The following CSMD1 variants were observed in gnomAD, a reference collection of about 807,000 sequenced individuals.
CSMD1 encodes CUB and Sushi multiple domains 1, also known as CUB and sushi domain-containing protein 1.
In CSMD1, 213 loss-of-function variants were observed where a neutral mutation model predicts 417.5. That is an observed-to-expected ratio of 0.51 (90% CI 0.46 to 0.57). CSMD1 has a LOEUF of 0.57. CSMD1 is among the 20% of genes least tolerant of loss of function. The probability of loss-of-function intolerance (pLI) is 0.00; values close to 1 mark genes in which losing one functional copy is unlikely to be tolerated. For missense variants in CSMD1, 6,923 were observed against 4,529.7 expected (o/e 1.53, Z -15.17); for synonymous variants, 2,862 against 1,736.8 (o/e 1.65, Z -16.11).
At position 3,711,131 on chromosome 8, in the gene CSMD1, G is replaced by A. The variant is rs140291787; in HGVS notation, c.932-2640C>T. ...TTCCCCAAAAGACAGCACTTCTCCT[G>A]GGTATTTTAAAAGGGTAAGAGGGAG... is the stretch of plus-strand genomic sequence containing the variant. On this transcript the variant is annotated intron_variant, in intron 6 of 69. Coordinates refer to ENST00000635120, the MANE Select transcript of CSMD1 (RefSeq NM_033225.6). Among the ~76,000 whole-genome samples, 294 of 152,272 alleles carry A rather than the reference G, an allele frequency of 1.9e-3. 1 individual carries two copies. Among genetic ancestry groups the A allele is most frequent in the African/African-American group, 5.3e-3 (221 of 41,542 alleles).
At chr8:3,384,711 T>C (rs1810867976) in intron 18 of CSMD1, among the ~76,000 whole-genome samples, 1 of 76,950 alleles carries the variant, frequency 1.3e-5, no homozygotes, top group South Asian at 2.9e-4. Flanking sequence ...TATATATAAA[T>C]ATATTTATAA....
intron 5 of CSMD1, among the ~76,000 whole-genome samples, chr8:3,811,262 C>T (rs1801058495): frequency 6.6e-6 from 1 of 152,300 alleles, no homozygotes; most frequent in Admixed American, 6.5e-5. Flanking sequence ...ACTTAGAGAG[C>T]AATTACCAGA....
At chr8:4,671,603 T>C (rs1805330876) in intron 1 of CSMD1, among the ~76,000 whole-genome samples, 1 of 152,218 alleles carries the variant, frequency 6.6e-6, no homozygotes, top group African/African-American at 2.4e-5. Context: ...AACGTTATCT[T>C]CAACAGTTCC....
At chr8:3,918,021 C>A (rs763397950) in intron 5 of CSMD1, among the ~76,000 whole-genome samples, 3 of 152,014 alleles carry the variant, frequency 2.0e-5, no homozygotes, top group Non-Finnish European at 4.4e-5. Context: ...TTGCAAATGG[C>A]ACAATTTCCT....
intron 7 of CSMD1, among the ~76,000 whole-genome samples, chr8:3,693,801 T>C (rs1800387486): frequency 1.3e-5 from 2 of 151,720 alleles, no homozygotes; most frequent in Non-Finnish European, 2.9e-5. Context: ...TGGCGTCGTG[T>C]GTGTGTGTGT....
chr8:4,533,899 A>G (rs1042906737), intron 2 of CSMD1, among the ~76,000 whole-genome samples: 32 of 149,332 alleles, frequency 2.1e-4, no homozygotes, highest in African/African-American at 6.1e-4. Flanking sequence ...GTAATTCAAT[A>G]GCTAGAATAT....
At chr8:3,368,960 T>C (rs1003463237) in intron 19 of CSMD1, among the ~76,000 whole-genome samples, 1 of 152,230 alleles carries the variant, frequency 6.6e-6, no homozygotes, top group African/African-American at 2.4e-5. Context: ...GGTCAGATTT[T>C]ATTGAATAGA....
intron 5 of CSMD1, among the ~76,000 whole-genome samples, chr8:3,911,763 A>G (rs972373113): frequency 1.5e-4 from 23 of 152,122 alleles, no homozygotes; most frequent in African/African-American, 5.3e-4. Flanking sequence ...GAAATCTCTC[A>G]TCTCACCAGC....
intron 11 of CSMD1, among the ~76,000 whole-genome samples, chr8:3,477,514 A>C (rs13250793): frequency 0.63 from 96,291 of 151,852 alleles, 31,365 homozygotes; most frequent in Middle Eastern, 0.76. Flanking sequence ...AGTAAAGACA[A>C]GGTACTATCT....
intron 5 of CSMD1, among the ~76,000 whole-genome samples, chr8:3,911,815 T>G (rs1419307231): frequency 6.6e-6 from 1 of 152,192 alleles, no homozygotes; most frequent in Non-Finnish European, 1.5e-5. Context: ...TCTGTCTAAT[T>G]AAACTCATTT....
At position 3,491,157 on chromosome 8, in the gene CSMD1, G is replaced by C. The variant is rs535296966; in HGVS notation, c.1448+2466C>G. Among the ~76,000 whole-genome samples the C allele has an allele frequency of 1.4e-4, 21 of 152,272 alleles. No homozygotes were observed. In the South Asian group the frequency reaches 2.1e-3, roughly 15 times the overall value. On this transcript the variant is annotated intron_variant, in intron 11 of 69. Coordinates refer to ENST00000635120, the MANE Select transcript of CSMD1 (RefSeq NM_033225.6). ...GAATGCGGTGAGAGCGTGAGTGTCA[G>C]ATGCAAAAGACTGTCAAAGGGAACC...
chr8:3,219,795 G>A (rs1554471641), intron 28 of CSMD1, among the ~76,000 whole-genome samples: 1 of 152,030 alleles, frequency 6.6e-6, no homozygotes, highest in Non-Finnish European at 1.5e-5. Flanking sequence ...GCTCAAAAGA[G>A]ACACATTTCC....
chr8:4,223,541 C>A (rs987223869), intron 3 of CSMD1, among the ~76,000 whole-genome samples: 47 of 152,326 alleles, frequency 3.1e-4, no homozygotes, highest in African/African-American at 1.0e-3. Context: ...TAATAACCAC[C>A]AGGAGAGCTG....
At chr8:4,599,950 C>G (rs1029524571) in intron 2 of CSMD1, among the ~76,000 whole-genome samples, 1 of 152,150 alleles carries the variant, frequency 6.6e-6, no homozygotes, top group African/African-American at 2.4e-5. Flanking sequence ...ATCTGACACG[C>G]ATATGCTCTG....
chr8:4,301,093 C>G (rs143827446), intron 3 of CSMD1, among the ~76,000 whole-genome samples: 1 of 152,082 alleles, frequency 6.6e-6, no homozygotes, highest in South Asian at 2.1e-4. Flanking sequence ...CTAATGAGTT[C>G]CCATTGAAAC....
intron 2 of CSMD1, among the ~76,000 whole-genome samples, chr8:4,548,261 T>G (rs1483348492): frequency 1.3e-5 from 2 of 152,200 alleles, no homozygotes; most frequent in African/African-American, 4.8e-5. Context: ...GTTATCTTTA[T>G]GAAAACTATC....
At chr8:3,402,857 A>G (rs571374829) in intron 15 of CSMD1, among the ~76,000 whole-genome samples, 7 of 152,144 alleles carry the variant, frequency 4.6e-5, no homozygotes, top group East Asian at 1.9e-4. Context: ...TAATCTTATT[A>G]TTAAATTTCT....
chr8:2,992,091 C>T (rs1806436393), intron 54 of CSMD1, among the ~76,000 whole-genome samples: 1 of 152,152 alleles, frequency 6.6e-6, no homozygotes, highest in Admixed American at 6.5e-5. Context: ...ATTACATTCA[C>T]ATGATTTAAA....
At position 4,519,742 on chromosome 8, in the gene CSMD1, C is replaced by CAAAAAAAAAAAAAAAAAAA. The variant is rs57747377; in HGVS notation, c.303-99696_303-99678dup. On this transcript the variant is annotated intron_variant, in intron 2 of 69. Coordinates refer to ENST00000635120, the MANE Select transcript of CSMD1 (RefSeq NM_033225.6). The stretch of plus-strand genomic sequence containing the variant: ...TAGGCAGCAGAGTCAGACTTCATCT[C>CAAAAAAAAAAAAAAAAAAA]AAAAAAAAAAAAAAAAAAAAAAAAA... Among the ~76,000 whole-genome samples, 25 of 80,392 alleles carry CAAAAAAAAAAAAAAAAAAA rather than the reference C, an allele frequency of 3.1e-4. 9 individuals are homozygous for CAAAAAAAAAAAAAAAAAAA. Among genetic ancestry groups the CAAAAAAAAAAAAAAAAAAA allele is most frequent in the African/African-American group, 7.9e-4 (15 of 19,104 alleles). 52.7% of individuals were successfully genotyped at this position (80,392 alleles called of 152,430 possible).
Sources: gnomAD v4.1 joint callset for allele counts (sites outside exome capture counted in the v4.1 genomes callset) on GRCh38, gnomAD v4.1.1 for gene constraint, MANE v1.5 for transcripts, NCBI Gene and HGNC (gene_info 2026-07-23, HGNC 2026-07-21) for gene names.